TSEN2: variants seen among roughly 807,000 people sequenced by gnomAD.
TSEN2 encodes tRNA-splicing endonuclease subunit Sen2.
Under a neutral mutation model 59.2 loss-of-function variants are expected in TSEN2, and 54 were observed. The observed-to-expected ratio is 0.91, with a 90% CI of 0.73 to 1.14. The LOEUF (loss-of-function observed/expected upper bound fraction) is 1.14, where lower values mean the gene tolerates loss of function less well. Ranked by LOEUF, TSEN2 falls within the 50% of genes most tolerant of loss-of-function variation. TSEN2 has a pLI of 0.00. For synonymous variants in TSEN2, 195 were observed against 198.2 expected (o/e 0.98, Z 0.14); for missense variants, 636 against 576.2 (o/e 1.10, Z -1.06).
intron 8 of TSEN2, among the ~76,000 whole-genome samples, chr3:12,524,512 C>CT (rs1371206998): frequency 6.6e-6 from 1 of 152,122 alleles, no homozygotes; most frequent in Non-Finnish European, 1.5e-5. Flanking sequence ...CCTTGTCTGT[C>CT]TGTGTCAAAT....
At chr3:12,527,050 G>A (rs2057139146) in intron 8 of TSEN2, among the ~76,000 whole-genome samples, 1 of 152,222 alleles carries the variant, frequency 6.6e-6, no homozygotes, top group Admixed American at 6.5e-5. Context: ...CAAAGATTGG[G>A]CAGGGAACAA....
At chr3:12,525,417 A>T (rs989523221) in intron 8 of TSEN2, among the ~76,000 whole-genome samples, 2 of 152,228 alleles carry the variant, frequency 1.3e-5, no homozygotes, top group Non-Finnish European at 2.9e-5. Context: ...TCTAATAATT[A>T]TAATAGTTGT....
intron 8 of TSEN2, among the ~76,000 whole-genome samples, chr3:12,520,028 C>T (rs186209144): frequency 0.016 from 2,429 of 150,692 alleles, 40 homozygotes; most frequent in South Asian, 0.059. Flanking sequence ...GACGGAGTCT[C>T]GCCCTGTTGC....
chr3:12,489,857 C>T lies in TSEN2; in HGVS notation c.57C>T (p.Tyr19=), dbSNP rs760722955. 1.5e-5 allele frequency: 25 copies of T among 1,613,800 alleles called. 1 individual carries two copies. The highest frequency in any genetic ancestry group is 1.6e-4 in the Middle Eastern group (1 of 6,084). Residue 19 remains tyrosine, a synonymous_variant, in exon 2 of 12, where the codon TAC becomes TAT. Transcript: ENST00000284995. ...GGAAAAGAAGAGTGTATGAGACTTA[C>T]GAGTCTCCATTGCCAATCCCTTTTG... is the stretch of plus-strand genomic sequence containing the variant. ...PKRKRRVYET[Y]ESPLPIPFGQ... is the part of the protein sequence containing the mutation.
At chr3:12,505,406 T>C in intron 6 of TSEN2, 175 bp downstream of exon 6, 1 of 621,234 alleles carries the variant, frequency 1.6e-6, no homozygotes, top group South Asian at 1.9e-5. Flanking sequence ...CTCCTCAGCC[T>C]TTATTTCATC....
intron 4 of TSEN2, among the ~76,000 whole-genome samples, chr3:12,501,856 A>G (rs1293422838): frequency 1.3e-5 from 2 of 152,244 alleles, no homozygotes; most frequent in Non-Finnish European, 2.9e-5. Flanking sequence ...TGACCTTCTG[A>G]TCAGATTTCC....
intron 6 of TSEN2, among the ~76,000 whole-genome samples, chr3:12,505,739 G>A (rs1360660668): frequency 6.8e-6 from 1 of 146,524 alleles, no homozygotes; most frequent in Admixed American, 7.0e-5. Flanking sequence ...AGCCAAGATC[G>A]TGCCATTGCA....
chr3:12,534,949 G>A (rs2125273355), downstream of TSEN2, among the ~76,000 whole-genome samples: 1 of 151,996 alleles, frequency 6.6e-6, no homozygotes, highest in African/African-American at 2.4e-5. Flanking sequence ...CCAGCCTGGG[G>A]GCAGAGTGAG....
At chr3:12,525,381 A>G (rs980407324) in intron 8 of TSEN2, among the ~76,000 whole-genome samples, 12 of 152,198 alleles carry the variant, frequency 7.9e-5, no homozygotes, top group Non-Finnish European at 1.8e-4. Context: ...CATAAGTGAT[A>G]CCATAAGTAG....
intron 8 of TSEN2, among the ~76,000 whole-genome samples, chr3:12,523,254 TC>T (rs1392389047): frequency 6.6e-6 from 1 of 152,128 alleles, no homozygotes; most frequent in African/African-American, 2.4e-5. Flanking sequence ...TAAGCCTCCT[TC>T]CCAGCCAACC....
intron 4 of TSEN2, among the ~76,000 whole-genome samples, chr3:12,497,578 AG>A (rs1253031905): frequency 1.3e-5 from 2 of 152,310 alleles, no homozygotes; most frequent in African/African-American, 4.8e-5. Context: ...TAGTGCAGAC[AG>A]GTTGCCACAG....
rs948294729 is a variant in TSEN2, at chr3:12,484,702, C to T, written c.-196C>T. On this transcript the variant is annotated 5_prime_UTR_variant, in exon 1 of 12. Transcript: ENST00000284995. ...AGCCAGGCTTCCGAGTGCGCCCGGT[C>T]ACTGACTCCTCCGCGCTTTCCTCGT... is the stretch of plus-strand genomic sequence containing the variant. 6.6e-6 allele frequency: 1 copy of T among 152,320 alleles called. No homozygotes were observed. The highest frequency in any genetic ancestry group is 2.4e-5 in the African/African-American group (1 of 41,472). 9.4% of individuals were successfully genotyped at this position (152,320 alleles called of 1,614,324 possible).
intron 6 of TSEN2, among the ~76,000 whole-genome samples, chr3:12,505,932 T>C (rs887057076): frequency 3.3e-5 from 5 of 152,064 alleles, no homozygotes; most frequent in African/African-American, 1.2e-4. Context: ...ACTACTGCGC[T>C]CCAGCTTGGG....
downstream of TSEN2, among the ~76,000 whole-genome samples, chr3:12,536,728 C>T (rs1253485513): frequency 1.3e-5 from 2 of 152,040 alleles, no homozygotes; most frequent in South Asian, 4.1e-4. Flanking sequence ...GGGCCAGGCG[C>T]GGTGGCTCAT....
At chr3:12,535,199 C>T (rs993820977), downstream of TSEN2, among the ~76,000 whole-genome samples, 1 of 152,118 alleles carries the variant, frequency 6.6e-6, no homozygotes, top group African/African-American at 2.4e-5. Context: ...CCCCACCACC[C>T]ACCTCCCATG....
At chr3:12,515,283 A>C (rs1280045812) in intron 6 of TSEN2, among the ~76,000 whole-genome samples, 1 of 152,206 alleles carries the variant, frequency 6.6e-6, no homozygotes, top group East Asian at 1.9e-4. Flanking sequence ...CAGTGAGGAA[A>C]GAAGCTGAGT....
chr3:12,523,526 C>CTTTTTTTTGTTTTTTTTTTTTTTT (rs2056823995), intron 8 of TSEN2, among the ~76,000 whole-genome samples: 1 of 46,480 alleles, frequency 2.2e-5, no homozygotes, highest in Non-Finnish European at 4.3e-5. Context: ...CTCTTTGATT[C>CTTTTTTTTGTTTTTTTTTTTTTTT]TTTTTTTTTT....
At chr3:12,516,442 A>ATGTGTGTGTGTG (rs1491196550) in intron 6 of TSEN2, among the ~76,000 whole-genome samples, 169 bp from the exon 7 acceptor site, 11 of 89,174 alleles carry the variant, frequency 1.2e-4, no homozygotes, top group South Asian at 4.0e-4. Flanking sequence ...AACAAACAAA[A>ATGTGTGTGTGTG]TATATGTGTG....
rs151281320 is a variant in TSEN2, at chr3:12,519,077, A to G, written c.979A>G (p.Lys327Glu). The G allele has an allele frequency of 3.7e-6, 6 of 1,614,066 alleles. No individual in the cohort carries two copies. Among genetic ancestry groups the G allele is most frequent in the Non-Finnish European group, 5.1e-6 (6 of 1,180,048 alleles). ...ACTTTAGGAGCCTTTAACGATAGTG[A>G]AGCTCTGGAAAGCTTTCACTGTAGT... ...YYEKEPLTIV[K>E]LWKAFTVVQP... Residue 327 changes from lysine to glutamate, a missense_variant, in exon 8 of 12, where the codon AAG (lysine) becomes GAG (glutamate). Physicochemically the swap from Lys to Glu is moderately conservative, Grantham distance 56. Coordinates refer to ENST00000284995, the MANE Select transcript of TSEN2 (RefSeq NM_025265.4).
Sources: gnomAD v4.1 joint callset for allele counts (sites outside exome capture counted in the v4.1 genomes callset) on GRCh38, gnomAD v4.1.1 for gene constraint, MANE v1.5 for transcripts, NCBI Gene and HGNC (gene_info 2026-07-23, HGNC 2026-07-21) for gene names.